Variants in ZMYM6 observed in about 807,000 individuals in gnomAD.
ZMYM6 encodes zinc finger MYM-type containing 6.
Under a neutral mutation model 134.0 loss-of-function variants are expected in ZMYM6, and 90 were observed. The observed-to-expected ratio is 0.67, with a 90% CI of 0.57 to 0.80. ZMYM6 has a LOEUF of 0.80. Ranked by LOEUF, ZMYM6 falls within the 30% of genes least tolerant of loss-of-function variation. The pLI is 0.00. For missense variants in ZMYM6, 1,362 were observed against 1,533.9 expected (o/e 0.89, Z 1.87); for synonymous variants, 481 against 524.1 (o/e 0.92, Z 1.12).
chr1:35,029,461 G>A (rs1243281432), intron 2 of ZMYM6, among the ~76,000 whole-genome samples: 1 of 151,804 alleles, frequency 6.6e-6, no homozygotes, highest in African/African-American at 2.4e-5. Context: ...TAAGAATGGT[G>A]CCTGACACAC....
At chr1:34,990,780 ATATT>A (rs889004314) in intron 15 of ZMYM6, among the ~76,000 whole-genome samples, 5 of 152,234 alleles carry the variant, frequency 3.3e-5, no homozygotes, top group African/African-American at 9.6e-5. Context: ...ATCTCAATGT[ATATT>A]TAAATTTATA....
At chr1:34,994,192 C>T (rs1480455789) in intron 14 of ZMYM6, among the ~76,000 whole-genome samples, 2 of 152,078 alleles carry the variant, frequency 1.3e-5, no homozygotes, top group Admixed American at 1.3e-4. Flanking sequence ...AAGTTCTGCT[C>T]ATATGAGCCT....
chr1:35,019,310 TA>T (rs771855851), intron 4 of ZMYM6, 42 bp downstream of exon 4: 19 of 1,610,262 alleles, frequency 1.2e-5, no homozygotes, highest in South Asian at 2.2e-5. Context: ...ATATACACAC[TA>T]AAAAAAAGGT....
chr1:35,030,329 G>C (rs1431842296), intron 2 of ZMYM6: 1 of 521,794 alleles, frequency 1.9e-6, no homozygotes, highest in African/African-American at 2.0e-5. Flanking sequence ...CTACACAGGA[G>C]GCTGAGGTGG....
chr1:35,029,613 C>T (rs1328529806), intron 2 of ZMYM6, among the ~76,000 whole-genome samples: 4 of 152,116 alleles, frequency 2.6e-5, no homozygotes, highest in African/African-American at 4.8e-5. Context: ...CATACCTTTT[C>T]TGTTCCAGGC....
intron 4 of ZMYM6, among the ~76,000 whole-genome samples, chr1:35,015,743 A>AAGAAAAAAAAAAAAAATATATAT: frequency 1.7e-4 from 18 of 106,464 alleles, no homozygotes; most frequent in African/African-American, 9.2e-4. Flanking sequence ...AAAAAAAAAA[A>AAGAAAAAAAAAAAAAATATATAT]ATATATATAT....
At chr1:35,012,065 A>T in intron 7 of ZMYM6, 60 bp from the exon 8 acceptor site, 5 of 1,045,846 alleles carry the variant, frequency 4.8e-6, no homozygotes, top group Non-Finnish European at 7.0e-6. Context: ...ACAATACAAA[A>T]ATGTATTGGG....
At chr1:34,995,221 C>A (rs57359543) in intron 14 of ZMYM6, among the ~76,000 whole-genome samples, 31,214 of 147,174 alleles carry the variant, frequency 0.21, 7,877 homozygotes, top group African/African-American at 0.6. Context: ...TGCTCTCTCT[C>A]TATATATATA....
intron 15 of ZMYM6, 182 bp downstream of exon 15, chr1:34,992,052 G>C (rs1462784046): frequency 1.3e-6 from 1 of 757,720 alleles, no homozygotes; most frequent in African/African-American, 1.8e-5. Flanking sequence ...TGTTATGATA[G>C]CTGGTTATTA....
At chr1:35,013,844 A>G (rs1222915106) in intron 6 of ZMYM6, 3 of 183,376 alleles carry the variant, frequency 1.6e-5, no homozygotes, top group African/African-American at 7.1e-5. Context: ...GGCGCCCGCC[A>G]CCACGCCCAG....
rs748089628 is a variant in ZMYM6, at chr1:35,015,069, A to G, written c.522T>C (p.Tyr174=). 8.1e-6 allele frequency: 13 copies of G among 1,613,990 alleles called. No individual in the cohort carries two copies. Among genetic ancestry groups the G allele is most frequent in the South Asian group, 4.4e-5 (4 of 91,074 alleles). ...DFCSQSCLSS[Y]ELKKKPVVTI... ...TAACAACAGGTTTTTTCTTTAGCTC[A>G]TAAGATGACAAGCATGATTGGCTGC... The change falls in exon 5 of 16, where the codon TAT becomes TAC. Residue 174 remains tyrosine (Y), a synonymous_variant. Transcript: ENST00000357182.
Position 34,986,908 on chromosome 1 carries a change from T to A in ZMYM6, c.*196A>T, listed in dbSNP as rs577003120. 1.9e-4 allele frequency: 67 copies of A among 353,852 alleles called. No individual in the cohort carries two copies. The highest frequency in any genetic ancestry group is 2.3e-4 in the Non-Finnish European group (48 of 206,664). The allele number at this position is 353,852 out of a possible 1,614,324, so 21.9% of individuals were successfully genotyped here. On this transcript the variant is annotated 3_prime_UTR_variant, in exon 16 of 16. Coordinates refer to ENST00000357182, the MANE Select transcript of ZMYM6 (RefSeq NM_007167.4). The stretch of plus-strand genomic sequence containing the variant: ...TCCAAATTTAATGAAATAACTAAAT[T>A]TTCTACCCTAGATTATAATTATACA...
chr1:34,988,410 G>C lies in ZMYM6; in HGVS notation c.2672C>G (p.Ser891Cys). The C allele has an allele frequency of 6.4e-7, 1 of 1,551,644 alleles. No individual in the cohort carries two copies. The highest frequency in any genetic ancestry group is 8.7e-7 in the Non-Finnish European group (1 of 1,146,972). The part of the protein sequence containing the change: ...VTIQHRIDEL[S>C]ADIEDQLIQK... The stretch of plus-strand genomic sequence containing the variant: ...AATCAGCTGGTCTTCAATGTCTGCA[G>C]ATAGTTCATCAATCCTGTGTTGAAT... Residue 891 changes from serine (S) to cysteine (C), a missense_variant, in exon 16 of 16, where the codon TCT (serine) becomes TGT (cysteine). Coordinates refer to ENST00000357182, the MANE Select transcript of ZMYM6 (RefSeq NM_007167.4).
intron 13 of ZMYM6, among the ~76,000 whole-genome samples, chr1:35,004,656 T>G (rs1640933621): frequency 6.6e-6 from 1 of 151,880 alleles, no homozygotes; most frequent in South Asian, 2.1e-4. Flanking sequence ...AACACTTCCT[T>G]TCCCATCCAC....
At chr1:35,023,132 G>A (rs1348715846) in intron 2 of ZMYM6, among the ~76,000 whole-genome samples, 7 of 151,682 alleles carry the variant, frequency 4.6e-5, no homozygotes, top group Admixed American at 4.6e-4. Flanking sequence ...TTTTGAGATG[G>A]AGTTTCGCTC....
At chr1:35,008,971 C>T in intron 10 of ZMYM6, 47 bp from the exon 11 acceptor site, 2 of 1,574,748 alleles carry the variant, frequency 1.3e-6, no homozygotes, top group Non-Finnish European at 1.7e-6. Context: ...TTTACATTAA[C>T]TGAGGAGGTA....
chr1:35,012,366 G>A, intron 7 of ZMYM6, 65 bp downstream of exon 7: 2 of 1,316,648 alleles, frequency 1.5e-6, no homozygotes, highest in Non-Finnish European at 2.0e-6. Context: ...CAAAATCAGA[G>A]AAAAGCAGTT....
Position 35,019,151 on chromosome 1 carries a change from A to C in ZMYM6, c.428+202T>G, listed in dbSNP as rs962072624. The C allele has an allele frequency of 7.3e-6, 5 of 689,560 alleles. No homozygotes were observed. In the African/African-American group the frequency reaches 9.0e-5, roughly 12 times the overall value. 42.7% of individuals were successfully genotyped at this position (689,560 alleles called of 1,614,324 possible). A position where few individuals can be genotyped will look rare whatever the true frequency, so the allele number is the denominator to read the frequency against. ...CATAGTAAAATTTAAAGTGATAGAA[A>C]ACTGGTTTAGGCAATATTCTAACAC... On this transcript the variant is annotated intron_variant, in intron 4 of 15. Transcript: ENST00000357182.
At chr1:35,022,251 C>T (rs756953389) in intron 2 of ZMYM6, among the ~76,000 whole-genome samples, 13 of 152,230 alleles carry the variant, frequency 8.5e-5, no homozygotes, top group Middle Eastern at 3.4e-3. Flanking sequence ...AGATGGGAAT[C>T]AAACCCAGTC....
Sources: allele counts gnomAD v4.1 joint callset (sites outside exome capture counted in the v4.1 genomes callset), GRCh38; gene constraint gnomAD v4.1.1; transcripts MANE v1.5; gene names NCBI Gene and HGNC (gene_info 2026-07-23, HGNC 2026-07-21).